The following KATNAL2 variants were observed in gnomAD, a reference collection of about 807,000 sequenced individuals.
KATNAL2 encodes the protein katanin catalytic subunit A1 like 2, also known as katanin p60 ATPase-containing subunit A-like 2.
KATNAL2 carries 52 observed loss-of-function variants against 76.3 expected under a neutral mutation model. That is an observed-to-expected ratio of 0.68 (90% CI 0.55 to 0.86). KATNAL2 has a LOEUF of 0.86. KATNAL2 is among the 40% of genes least tolerant of loss of function. The probability of loss-of-function intolerance (pLI) is 0.00; values close to 1 mark genes in which losing one functional copy is unlikely to be tolerated. For synonymous variants in KATNAL2, 243 were observed against 244.2 expected (o/e 1.00, Z 0.05); for missense variants, 660 against 668.9 (o/e 0.99, Z 0.15).
At chr18:47,032,012 A>G (rs541191610) in intron 3 of KATNAL2, among the ~76,000 whole-genome samples, 2 of 152,270 alleles carry the variant, frequency 1.3e-5, no homozygotes, top group African/African-American at 2.4e-5. Context: ...TGTGATCTGA[A>G]CTCAAGGTAG....
At chr18:46,956,595 ACTGGTTGCTTTCTTC>A (rs2059755074) in intron 3 of KATNAL2, among the ~76,000 whole-genome samples, 1 of 151,798 alleles carries the variant, frequency 6.6e-6, no homozygotes, top group Non-Finnish European at 1.5e-5. Flanking sequence ...TTGAATGTTT[ACTGGTTGCTTTCTTC>A]CCCCCATCCC....
At position 46,921,886 on chromosome 18, in the gene KATNAL2, T is replaced by C. The variant is rs992437746; in HGVS notation, c.-510+3960T>C. Among the ~76,000 whole-genome samples the C allele has an allele frequency of 2.0e-5, 3 of 152,110 alleles. No homozygotes were observed. The East Asian group carries it at 5.8e-4, about 29-fold the overall frequency. On this transcript the variant is annotated intron_variant, in intron 1 of 17. Transcript: ENST00000683218. ...GACTTTACTGATTTTAATATCTCTC[T>C]TTTCCTTCCCACTGATTACTTCCTC... is the stretch of plus-strand genomic sequence containing the variant.
chr18:47,087,378 C>T (rs547365657), intron 15 of KATNAL2, among the ~76,000 whole-genome samples: 20 of 152,156 alleles, frequency 1.3e-4, no homozygotes, highest in Admixed American at 3.3e-4. Context: ...ATAAAAAGAA[C>T]GAGATGATGT....
rs186031412 is a variant in KATNAL2, at chr18:47,039,011, T to C, written c.52-7446T>C. ...CTCCAAAGCAGAAACAGGCTCTGTCTGGGGGCTGAAAAAGCAGGCCCTCAT... is the reference window on the plus strand; with the variant it reads ...CTCCAAAGCAGAAACAGGCTCTGTCCGGGGGCTGAAAAAGCAGGCCCTCAT... On this transcript the variant is annotated intron_variant, in intron 3 of 17. Coordinates refer to ENST00000683218, the MANE Select transcript of KATNAL2 (RefSeq NM_001387690.1). 1.3e-3 allele frequency among the ~76,000 whole-genome samples: 191 copies of C among 152,336 alleles called. 1 individual carries two copies. Among genetic ancestry groups the C allele is most frequent in the Admixed American group, 4.2e-3 (65 of 15,298 alleles).
rs142573322 is a variant in KATNAL2 at position 47,058,255 on chromosome 18, A to G, written c.353A>G (p.Gln118Arg). ...CTTAGGATGATGAACGACAGTTGTC[A>G]AAATCTTCCCAAGATCAATCAGCAG... ...KTRRMMNDSC[Q>R]NLPKINQQRP... The change falls in exon 7 of 18, where the codon CAA (glutamine) becomes CGA (arginine). Residue 118 changes from glutamine to arginine, a missense_variant. Gln to Arg is a conservative substitution (Grantham distance 43). Coordinates refer to ENST00000683218, the MANE Select transcript of KATNAL2 (RefSeq NM_001387690.1). 3.1e-6 allele frequency: 5 copies of G among 1,613,656 alleles called. No individual in the cohort carries two copies. Among genetic ancestry groups the G allele is most frequent in the Non-Finnish European group, 4.2e-6 (5 of 1,179,640 alleles).
At chr18:46,921,952 A>G (rs2146482524) in intron 1 of KATNAL2, among the ~76,000 whole-genome samples, 1 of 152,078 alleles carries the variant, frequency 6.6e-6, no homozygotes, top group South Asian at 2.1e-4. Context: ...ATGTTTTCCA[A>G]GCCACTTTAC....
intron 3 of KATNAL2, among the ~76,000 whole-genome samples, chr18:46,954,027 G>A (rs959283785): frequency 6.6e-6 from 1 of 152,052 alleles, no homozygotes; most frequent in Non-Finnish European, 1.5e-5. Flanking sequence ...GGTGAAAGCA[G>A]GGAATGGAAG....
chr18:47,034,718 C>T (rs375806666), intron 3 of KATNAL2: 10 of 1,612,844 alleles, frequency 6.2e-6, no homozygotes, highest in Non-Finnish European at 8.5e-6. Flanking sequence ...GGCTCAGGGC[C>T]CTCGGGCATC....
intron 3 of KATNAL2, among the ~76,000 whole-genome samples, chr18:47,040,355 A>C (rs961906609): frequency 6.6e-6 from 1 of 152,196 alleles, no homozygotes; most frequent in Admixed American, 6.5e-5. Context: ...TGTGCAGGGT[A>C]TGGATTTTAT....
intron 15 of KATNAL2, among the ~76,000 whole-genome samples, chr18:47,093,120 G>A (rs1485056862): frequency 1.3e-5 from 2 of 152,090 alleles, no homozygotes; most frequent in Non-Finnish European, 2.9e-5. Context: ...TCCAGGTTTT[G>A]AAATTTCACC....
rs116002379 is a variant in KATNAL2 at position 47,098,039 on chromosome 18, T to C, written c.1212-1204T>C. 5.3e-3 allele frequency: 847 copies of C among 160,576 alleles called. 10 individuals carry two copies. The highest frequency in any genetic ancestry group is 0.019 in the African/African-American group (810 of 41,708). 9.9% of individuals were successfully genotyped at this position (160,576 alleles called of 1,614,324 possible). A position where few individuals can be genotyped will look rare whatever the true frequency, so the allele number is the denominator to read the frequency against. On this transcript the variant is annotated intron_variant, in intron 15 of 17. Coordinates refer to ENST00000683218, the MANE Select transcript of KATNAL2 (RefSeq NM_001387690.1). Reference sequence around the variant, plus strand: ...AATATTTAGGGATGAGGTGTCATGATATAAATTACTTTGAAATAATTTAGC... The same window carrying C: ...AATATTTAGGGATGAGGTGTCATGACATAAATTACTTTGAAATAATTTAGC...
chr18:46,920,061 G>T (rs2058450949), intron 1 of KATNAL2: 1 of 1,289,400 alleles, frequency 7.8e-7, no homozygotes, highest in Admixed American at 2.3e-5. Flanking sequence ...AAACTTACGT[G>T]CAGTGTTCTT....
intron 1 of KATNAL2, among the ~76,000 whole-genome samples, chr18:46,940,857 C>T (rs2059225858): frequency 1.3e-5 from 2 of 152,106 alleles, no homozygotes; most frequent in Non-Finnish European, 2.9e-5. Flanking sequence ...GACTCCTGCT[C>T]TACAGAAAAA....
At chr18:46,930,828 C>A (rs888136874) in intron 1 of KATNAL2, among the ~76,000 whole-genome samples, 1 of 149,020 alleles carries the variant, frequency 6.7e-6, no homozygotes, top group Non-Finnish European at 1.5e-5. Context: ...ATAGGCCAGG[C>A]GCAGTGGTTC....
intron 1 of KATNAL2, among the ~76,000 whole-genome samples, chr18:46,936,231 T>G (rs867962616): frequency 3.9e-5 from 6 of 152,204 alleles, no homozygotes; most frequent in Middle Eastern, 6.8e-3. Flanking sequence ...ATAACCCAAT[T>G]TATATATTAA....
intron 1 of KATNAL2, among the ~76,000 whole-genome samples, chr18:46,935,500 G>A (rs995735625): frequency 1.6e-4 from 24 of 152,144 alleles, no homozygotes; most frequent in African/African-American, 5.3e-4. Flanking sequence ...TATTGTCCAG[G>A]CTGGACTCGA....
Position 47,032,148 on chromosome 18 carries a change from G to C in KATNAL2, c.52-14309G>C, listed in dbSNP as rs945939930. Among the ~76,000 whole-genome samples, 5 of 152,286 alleles carry C rather than the reference G, an allele frequency of 3.3e-5. No homozygotes were observed. The East Asian group carries it at 7.7e-4, about 23-fold the overall frequency. Reference sequence around the variant, plus strand: ...ATAGGGGTTCTGGGTGAAAAGTTTGGGAATGATTCTATGTGTTACTTAGGG... The same window carrying C: ...ATAGGGGTTCTGGGTGAAAAGTTTGCGAATGATTCTATGTGTTACTTAGGG... On this transcript the variant is annotated intron_variant, in intron 3 of 17. Coordinates refer to ENST00000683218, the MANE Select transcript of KATNAL2 (RefSeq NM_001387690.1).
At chr18:47,070,097 CTTT>C (rs34614350) in intron 13 of KATNAL2, among the ~76,000 whole-genome samples, 4 of 134,912 alleles carry the variant, frequency 3.0e-5, no homozygotes, top group Non-Finnish European at 1.6e-5. Flanking sequence ...TTTTTGCTTT[CTTT>C]TTTTTTTTTT....
In KATNAL2 at chr18:46,946,438, T is replaced by C; in HGVS notation, c.-128T>C. 2.0e-6 allele frequency: 2 copies of C among 985,428 alleles called. No homozygotes were observed. The highest frequency in any genetic ancestry group is 1.7e-5 in the African/African-American group (1 of 57,356). 61.0% of individuals were successfully genotyped at this position (985,428 alleles called of 1,614,324 possible). ...AAAGCAGAATAGATTTCCAAACCTT[T>C]ACCCTAATCCAGGGAGGAGAAGACG... is the stretch of plus-strand genomic sequence containing the variant. On this transcript the variant is annotated 5_prime_UTR_variant, in exon 2 of 18. Transcript: ENST00000683218.
Sources: allele counts gnomAD v4.1 joint callset (sites outside exome capture counted in the v4.1 genomes callset), GRCh38; gene constraint gnomAD v4.1.1; transcripts MANE v1.5; gene names NCBI Gene and HGNC (gene_info 2026-07-23, HGNC 2026-07-21).